The following ATP8B4 variants were observed in gnomAD, a reference collection of about 807,000 sequenced individuals.
ATP8B4 encodes the protein ATPase phospholipid transporting 8B4 (putative), also known as probable phospholipid-transporting ATPase IM.
In ATP8B4, 133 loss-of-function variants were observed where a neutral mutation model predicts 145.6. The ratio of observed to expected loss-of-function variants is 0.91; its 90% CI spans 0.79 to 1.05. ATP8B4 has a LOEUF of 1.05. Among genes scored for constraint, ATP8B4 ranks in the 50% least tolerant of loss-of-function variants. The pLI is 0.00. For missense variants in ATP8B4, 1,458 were observed against 1,425.2 expected, an observed-to-expected ratio of 1.02 and a Z score of -0.37; for synonymous variants, 507 against 492.9, an observed-to-expected ratio of 1.03 and a Z score of -0.38.
intron 1 of ATP8B4, among the ~76,000 whole-genome samples, chr15:50,112,723 G>A (rs1002807366): frequency 1.3e-5 from 2 of 151,992 alleles, no homozygotes; most frequent in African/African-American, 4.8e-5. Context: ...AGCTGTGTGA[G>A]GTTAAGTACA....
At chr15:50,169,309 G>A (rs2044637753) in intron 1 of ATP8B4, among the ~76,000 whole-genome samples, 2 of 152,212 alleles carry the variant, frequency 1.3e-5, no homozygotes, top group South Asian at 4.1e-4. Flanking sequence ...TAGAACAGGT[G>A]CTGGTATTCA....
Position 50,156,882 on chromosome 15 carries a change from T to C in ATP8B4, c.-43+25379A>G, listed in dbSNP as rs533874720. On this transcript the variant is annotated intron_variant, in intron 1 of 3. Coordinates refer to the ATP8B4 transcript ENST00000558829. ...CAGGAGCTTGGACTGGTATTTTAGA[T>C]TGTGGTGATAGTCTTAGCGGCTTTT... Among the ~76,000 whole-genome samples the C allele has an allele frequency of 7.7e-4, 117 of 152,310 alleles. No individual in the cohort carries two copies. The Middle Eastern group carries it at 0.014, about 18-fold the overall frequency.
intron 3 of ATP8B4, among the ~76,000 whole-genome samples, chr15:50,070,391 CTACTT>C (rs1470866250): frequency 6.6e-6 from 1 of 152,134 alleles, no homozygotes; most frequent in Non-Finnish European, 1.5e-5. Flanking sequence ...GTATTTTACT[CTACTT>C]TACTCCTTAC....
At chr15:50,019,787 T>C (rs778510181) in intron 6 of ATP8B4, among the ~76,000 whole-genome samples, 1 of 152,184 alleles carries the variant, frequency 6.6e-6, no homozygotes, top group African/African-American at 2.4e-5. Context: ...TTCAAACCTT[T>C]TCTTTGTTTT....
intron 23 of ATP8B4, among the ~76,000 whole-genome samples, chr15:49,884,269 C>T (rs2035872913): frequency 1.3e-5 from 2 of 152,206 alleles, no homozygotes; most frequent in African/African-American, 4.8e-5. Context: ...ACACTGACCA[C>T]TACATGAAAC....
At chr15:49,951,732 A>G (rs1026557680) in intron 14 of ATP8B4, among the ~76,000 whole-genome samples, 5 of 152,166 alleles carry the variant, frequency 3.3e-5, no homozygotes, top group Non-Finnish European at 7.3e-5. Flanking sequence ...TGATCCTGTC[A>G]TCATGATGCT....
intron 15 of ATP8B4, among the ~76,000 whole-genome samples, chr15:49,931,936 G>A (rs981262065): frequency 6.6e-6 from 1 of 151,638 alleles, no homozygotes; most frequent in Non-Finnish European, 1.5e-5. Context: ...GTTGGAGTGG[G>A]GGTAAGAGGG....
intron 14 of ATP8B4, among the ~76,000 whole-genome samples, chr15:49,961,669 A>G (rs1210402282): frequency 1.3e-5 from 2 of 152,196 alleles, no homozygotes; most frequent in African/African-American, 4.8e-5. Context: ...ATTGTTGAGA[A>G]CGCTGAAGAA....
At chr15:49,864,356 T>TA (rs1388141019) in intron 26 of ATP8B4, among the ~76,000 whole-genome samples, 22 of 152,350 alleles carry the variant, frequency 1.4e-4, no homozygotes, top group African/African-American at 5.3e-4. Flanking sequence ...TTTTGCTTTC[T>TA]ACATAAATTA....
intron 6 of ATP8B4, among the ~76,000 whole-genome samples, chr15:50,021,009 T>C (rs1418545867): frequency 6.6e-6 from 1 of 152,188 alleles, no homozygotes; most frequent in African/African-American, 2.4e-5. Context: ...TATGCAAGTA[T>C]ACAAGAATAG....
intron 11 of ATP8B4, 46 bp from the exon 12 acceptor site, chr15:49,979,859 T>C (rs1207770551): frequency 7.3e-7 from 1 of 1,370,986 alleles, no homozygotes; most frequent in South Asian, 1.5e-5. Context: ...GAACTCAAAA[T>C]TAGTCATATC....
At position 50,038,976 on chromosome 15, in the gene ATP8B4, G is replaced by A. The variant is rs2051055745; in HGVS notation, c.301-147C>T. On this transcript the variant is annotated intron_variant, in intron 5 of 27. Coordinates refer to ENST00000284509, the MANE Select transcript of ATP8B4 (RefSeq NM_024837.4). ...ACTGTTTGAGCTTCCTGTGAACCCAGCTCTACATGTTCTAAATCTAAATCA... is the reference window on the plus strand; with the variant it reads ...ACTGTTTGAGCTTCCTGTGAACCCAACTCTACATGTTCTAAATCTAAATCA... 4.6e-6 allele frequency: 3 copies of A among 655,726 alleles called. No individual in the cohort carries two copies. The South Asian group carries it at 5.7e-5, about 12-fold the overall frequency. 40.6% of individuals were successfully genotyped at this position (655,726 alleles called of 1,614,324 possible).
At chr15:50,059,157 A>G (rs551276789) in intron 3 of ATP8B4, among the ~76,000 whole-genome samples, 2 of 152,248 alleles carry the variant, frequency 1.3e-5, no homozygotes, top group East Asian at 3.9e-4. Flanking sequence ...GGGACTGACA[A>G]TGGAGTTCCC....
intron 9 of ATP8B4, among the ~76,000 whole-genome samples, chr15:49,995,703 C>G (rs1020060017): frequency 1.3e-5 from 2 of 151,956 alleles, no homozygotes; most frequent in African/African-American, 4.8e-5. Context: ...TCCATGTTTT[C>G]CCTAAGTGGA....
At chr15:49,864,555 G>C (rs2032447517) in intron 26 of ATP8B4, among the ~76,000 whole-genome samples, 1 of 152,136 alleles carries the variant, frequency 6.6e-6, no homozygotes, top group Non-Finnish European at 1.5e-5. Context: ...CTTTTATAAA[G>C]CTCAGTGGCC....
At chr15:49,980,606 A>T (rs2046073291) in intron 11 of ATP8B4, among the ~76,000 whole-genome samples, 1 of 152,230 alleles carries the variant, frequency 6.6e-6, no homozygotes, top group Non-Finnish European at 1.5e-5. Flanking sequence ...AAAGATAGTC[A>T]TGAGCTAAGG....
intron 25 of ATP8B4, among the ~76,000 whole-genome samples, chr15:49,870,889 G>T (rs984460084): frequency 6.6e-6 from 1 of 152,242 alleles, no homozygotes; most frequent in Admixed American, 6.5e-5. Flanking sequence ...GCCATTGAAA[G>T]AAACACCTAT....
At chr15:50,063,597 T>C (rs1055881423) in intron 3 of ATP8B4, among the ~76,000 whole-genome samples, 2 of 152,234 alleles carry the variant, frequency 1.3e-5, no homozygotes, top group Middle Eastern at 3.4e-3. Flanking sequence ...AAAATTAATA[T>C]GAGATTAATA....
intron 1 of ATP8B4, among the ~76,000 whole-genome samples, chr15:50,174,307 G>C (rs1056937015): frequency 6.6e-6 from 1 of 152,110 alleles, no homozygotes; most frequent in African/African-American, 2.4e-5. Context: ...AATCAGACGA[G>C]AGAAAGAAAT....
Sources: gnomAD v4.1 joint callset for allele counts (sites outside exome capture counted in the v4.1 genomes callset) on GRCh38, gnomAD v4.1.1 for gene constraint, MANE v1.5 for transcripts, NCBI Gene and HGNC (gene_info 2026-07-23, HGNC 2026-07-21) for gene names.